LRRC57: variants seen among roughly 807,000 people sequenced by gnomAD.
The protein encoded by LRRC57 is leucine-rich repeat-containing protein 57.
Under a neutral mutation model 23.1 loss-of-function variants are expected in LRRC57, and 14 were observed. The ratio of observed to expected loss-of-function variants is 0.61; its 90% CI spans 0.40 to 0.95. LRRC57 has a LOEUF of 0.95. Among genes scored for constraint, LRRC57 ranks in the 40% least tolerant of loss-of-function variants. The pLI is 0.00. For synonymous variants in LRRC57, 106 were observed against 115.2 expected, an observed-to-expected ratio of 0.92 and a Z score of 0.51; for missense variants, 236 against 284.4, an observed-to-expected ratio of 0.83 and a Z score of 1.22.
the LRRC57 span, among the ~76,000 whole-genome samples, chr15:42,528,729 G>C: frequency 6.6e-6 from 1 of 152,092 alleles, no homozygotes; most frequent in African/African-American, 2.4e-5. Flanking sequence ...GGGACTACAG[G>C]TGTGCGCCAC....
Position 42,541,818 on chromosome 15 carries a change from G to GGT in LRRC57, c.*2264_*2265insAC, listed in dbSNP as rs2057630756. 1 of 149,004 alleles carries GGT rather than the reference G, an allele frequency of 6.7e-6. No individual in the cohort carries two copies. Among genetic ancestry groups the GGT allele is most frequent in the Non-Finnish European group, 1.5e-5 (1 of 67,594 alleles). The allele number at this position is 149,004 out of a possible 1,614,324, so 9.2% of individuals were successfully genotyped here. ...TCTGTCACCCAGGCTGGAGTGCAGT[G>GGT]GCAAGATCTCCGCTCACTGCAAGCT... On this transcript the variant is annotated 3_prime_UTR_variant, in exon 6 of 6. Coordinates refer to ENST00000397130, the MANE Select transcript of LRRC57 (RefSeq NM_153260.3).
chr15:42,528,340 A>G, the LRRC57 span: 13 of 1,614,150 alleles, frequency 8.1e-6, no homozygotes, highest in Non-Finnish European at 1.1e-5. Flanking sequence ...GCAATGTAGT[A>G]TCTAAACAGC....
At chr15:42,537,136 T>G (rs935974739), downstream of LRRC57, among the ~76,000 whole-genome samples, 1 of 151,992 alleles carries the variant, frequency 6.6e-6, no homozygotes, top group Non-Finnish European at 1.5e-5. Flanking sequence ...CCCAGCTACT[T>G]GGGAGGCTGA....
At chr15:42,535,216 C>T (rs1254418683), downstream of LRRC57, among the ~76,000 whole-genome samples, 1 of 152,222 alleles carries the variant, frequency 6.6e-6, no homozygotes. Flanking sequence ...CTTTATCTTA[C>T]ACTTTTATGT....
chr15:42,544,842 C>CTATATAGATATATATATATATATATA (rs2057650477), intron 5 of LRRC57, among the ~76,000 whole-genome samples: 1 of 98,038 alleles, frequency 1.0e-5, no homozygotes, highest in African/African-American at 6.7e-5. Flanking sequence ...CACACACACA[C>CTATATAGATATATATATATATATATA]TATATATATA....
In LRRC57 at chr15:42,539,511, C is replaced by T. The variant is rs1459418604; in HGVS notation, c.*4572G>A. ...AAAAAAAAAAAAAGAGACTTAAAAG[C>T]CAGGCAGTGGCTCACACCTGTAATC... On this transcript the variant is annotated 3_prime_UTR_variant, in exon 6 of 6. Coordinates refer to ENST00000397130, the MANE Select transcript of LRRC57 (RefSeq NM_153260.3). 1.6e-5 allele frequency: 2 copies of T among 123,244 alleles called. No homozygotes were observed. The highest frequency in any genetic ancestry group is 3.3e-5 in the Non-Finnish European group (2 of 60,170). The allele number at this position is 123,244 out of a possible 1,614,324, so 7.6% of individuals were successfully genotyped here.
the LRRC57 span, chr15:42,528,528 T>A: frequency 1.8e-6 from 2 of 1,093,884 alleles, no homozygotes; most frequent in Non-Finnish European, 2.6e-6. Flanking sequence ...AAATTGTATT[T>A]ATTCCATTTT....
intron 5 of LRRC57, 143 bp downstream of exon 5, chr15:42,544,934 C>A: frequency 1.7e-6 from 1 of 576,514 alleles, no homozygotes. Flanking sequence ...GGTACAATAC[C>A]ATTCAGCCAA....
the LRRC57 span, chr15:42,531,420 C>G: frequency 1.3e-6 from 2 of 1,572,980 alleles, no homozygotes; most frequent in East Asian, 4.7e-5. Flanking sequence ...CAGGCTGACA[C>G]CAACAGAGAT....
At chr15:42,533,352 A>G (rs563022583), downstream of LRRC57, among the ~76,000 whole-genome samples, 8 of 152,344 alleles carry the variant, frequency 5.3e-5, no homozygotes, top group East Asian at 1.5e-3. Context: ...TGTGAGAACT[A>G]CAACTCACTG....
downstream of LRRC57, among the ~76,000 whole-genome samples, chr15:42,537,662 G>A (rs2057607431): frequency 6.6e-6 from 1 of 152,112 alleles, no homozygotes. Flanking sequence ...ACAGATGAAT[G>A]GATAAGGGAA....
At chr15:42,544,750 G>T (rs538680294) in intron 5 of LRRC57, among the ~76,000 whole-genome samples, 1 of 150,698 alleles carries the variant, frequency 6.6e-6, no homozygotes, top group African/African-American at 2.5e-5. Context: ...GGAGGTGAAG[G>T]CTGCGCCAGT....
rs1284059350 is a variant in LRRC57, at chr15:42,541,949, CAG to C, written c.*2132_*2133del. 14 of 151,646 alleles carry C rather than the reference CAG, an allele frequency of 9.2e-5. No homozygotes were observed. Among genetic ancestry groups the C allele is most frequent in the African/African-American group, 2.7e-4 (11 of 41,266 alleles). 9.4% of individuals were successfully genotyped at this position (151,646 alleles called of 1,614,324 possible). On this transcript the variant is annotated 3_prime_UTR_variant, in exon 6 of 6. Transcript: ENST00000397130. ...TAATTTTTTGTATTTTTAGTAGTGA[CAG>C]GGTTTCACCGTGTTAGCCAGGATGG...
At chr15:42,532,983 A>G (rs1307080905), downstream of LRRC57, 1 of 152,598 alleles carries the variant, frequency 6.6e-6, no homozygotes, top group Non-Finnish European at 1.5e-5. Context: ...GCATCTGAAC[A>G]CTTCAAAGCT....
Position 42,548,001 on chromosome 15 carries a change from C to T in LRRC57, c.223+105G>A. 3 of 1,157,518 alleles carry T rather than the reference C, an allele frequency of 2.6e-6. No individual in the cohort carries two copies. In the Admixed American group the frequency reaches 7.2e-5, roughly 28 times the overall value. The allele number at this position is 1,157,518 out of a possible 1,614,324, so 71.7% of individuals were successfully genotyped here. The stretch of plus-strand genomic sequence containing the variant: ...AGGATTCCGGCATTCGCAACTTGAG[C>T]CCTCCTGCACGGTTTCATAACAAAA... On this transcript the variant is annotated intron_variant, in intron 3 of 5. Coordinates refer to ENST00000397130, the MANE Select transcript of LRRC57 (RefSeq NM_153260.3).
At chr15:42,546,528 TAAC>T (rs1163829785) in intron 4 of LRRC57, among the ~76,000 whole-genome samples, 3 of 152,050 alleles carry the variant, frequency 2.0e-5, no homozygotes, top group African/African-American at 7.2e-5. Context: ...AGAAAAGTAA[TAAC>T]CACATGCAGC....
At position 42,544,087 on chromosome 15, in the gene LRRC57, G is replaced by C. The variant is rs199784203; in HGVS notation, c.716C>G (p.Ala239Gly). ...ERFTATKKKF[A>G] Reference sequence around the variant, plus strand: ...TTTCCATAGTCCTGGAGAACTTCACGCAAACTTCTTCTTGGTGGCTGTGAA... The same window carrying C: ...TTTCCATAGTCCTGGAGAACTTCACCCAAACTTCTTCTTGGTGGCTGTGAA... The change falls in exon 6 of 6, where the codon GCG becomes GGG. Residue 239 changes from alanine (A) to glycine (G), a missense_variant. By Grantham distance (60) the Ala-to-Gly change is moderately conservative. Transcript: ENST00000397130. 3.1e-6 allele frequency: 5 copies of C among 1,612,524 alleles called. No homozygotes were observed. Among genetic ancestry groups the C allele is most frequent in the Non-Finnish European group, 4.2e-6 (5 of 1,179,120 alleles).
At position 42,547,361 on chromosome 15, in the gene LRRC57, C is replaced by G. The variant is rs757781658; in HGVS notation, c.392G>C (p.Arg131Pro). 6.2e-7 allele frequency: 1 copy of G among 1,614,172 alleles called. No homozygotes were observed. The highest frequency in any genetic ancestry group is 8.5e-7 in the Non-Finnish European group (1 of 1,180,028). The change falls in exon 4 of 6, where the codon CGG (arginine) becomes CCG (proline). Residue 131 changes from arginine (R) to proline (P), a missense_variant. Coordinates refer to ENST00000397130, the MANE Select transcript of LRRC57 (RefSeq NM_153260.3). ...GALPPQLCSL[R>P]HLDVMDLSKN... Reference sequence around the variant, plus strand: ...AGAGAGATCCATCACATCCAGGTGCCGTAGGCTACAAAGTTGGGGAGGTAA... The same window carrying G: ...AGAGAGATCCATCACATCCAGGTGCGGTAGGCTACAAAGTTGGGGAGGTAA...
At chr15:42,545,045 G>A in intron 5 of LRRC57, 32 bp downstream of exon 5, 2 of 1,475,694 alleles carry the variant, frequency 1.4e-6, no homozygotes, top group Non-Finnish European at 1.8e-6. Flanking sequence ...CTGGGGTAGT[G>A]ACTAGAAATG....
Sources: allele counts gnomAD v4.1 joint callset (sites outside exome capture counted in the v4.1 genomes callset), GRCh38; gene constraint gnomAD v4.1.1; transcripts MANE v1.5; gene names NCBI Gene and HGNC (gene_info 2026-07-23, HGNC 2026-07-21).